Variants in WDR11 observed in about 807,000 individuals in gnomAD.
WDR11 encodes WD repeat-containing protein 11.
Under a neutral mutation model 151.2 loss-of-function variants are expected in WDR11, and 83 were observed. That is an observed-to-expected ratio of 0.55 (90% CI 0.46 to 0.66). WDR11 has a LOEUF of 0.66. WDR11 is among the 30% of genes least tolerant of loss of function. The pLI, the probability that WDR11 is intolerant of heterozygous loss-of-function variation, is 0.00. For missense variants in WDR11, 1,301 were observed against 1,480.9 expected (o/e 0.88, Z 1.99); for synonymous variants, 484 against 533.1 (o/e 0.91, Z 1.27).
intron 3 of WDR11, among the ~76,000 whole-genome samples, chr10:120,859,041 C>T (rs1396476709): frequency 6.6e-6 from 1 of 152,154 alleles, no homozygotes; most frequent in Non-Finnish European, 1.5e-5. Flanking sequence ...CAATATCAGC[C>T]TCATTCAAGC....
At chr10:120,854,399 A>C (rs1455494727) in intron 2 of WDR11, among the ~76,000 whole-genome samples, 1 of 152,238 alleles carries the variant, frequency 6.6e-6, no homozygotes. Flanking sequence ...AGGATGTATC[A>C]CATTTATTTT....
intron 28 of WDR11, chr10:120,908,287 T>C: frequency 2.1e-6 from 1 of 467,530 alleles, no homozygotes; most frequent in Non-Finnish European, 3.9e-6. Context: ...TGGGAGGATG[T>C]TGGTTGGGTC....
chr10:120,868,316 C>T (rs574750274), intron 9 of WDR11, among the ~76,000 whole-genome samples: 5 of 152,048 alleles, frequency 3.3e-5, no homozygotes, highest in Admixed American at 2.6e-4. Context: ...TAGCCAGGTG[C>T]AGTGGCATGT....
At chr10:120,894,336 A>T (rs1847530957) in intron 19 of WDR11, among the ~76,000 whole-genome samples, 1 of 152,218 alleles carries the variant, frequency 6.6e-6, no homozygotes, top group African/African-American at 2.4e-5. Context: ...AGATTTCTGC[A>T]CAAACCTTTC....
At chr10:120,903,552 T>G (rs1381120338) in intron 23 of WDR11, among the ~76,000 whole-genome samples, 1 of 137,876 alleles carries the variant, frequency 7.3e-6, no homozygotes, top group Non-Finnish European at 1.6e-5. Context: ...CCTCGGTACA[T>G]TTGCATTAAA....
chr10:120,908,847 T>A lies in WDR11; in HGVS notation c.*134T>A, dbSNP rs1848178072. On this transcript the variant is annotated 3_prime_UTR_variant, in exon 29 of 29. Coordinates refer to ENST00000263461, the MANE Select transcript of WDR11 (RefSeq NM_018117.12). ...AGCTGTTTGACCACTGTTCTAAGAC[T>A]ATGTGTGCCCAAAAGCACATAAGCA... The A allele has an allele frequency of 3.5e-6, 3 of 851,242 alleles. No homozygotes were observed. Among genetic ancestry groups the A allele is most frequent in the South Asian group, 1.5e-5 (1 of 68,360 alleles). The allele number at this position is 851,242 out of a possible 1,614,324, so 52.7% of individuals were successfully genotyped here.
rs749051793 is a variant in WDR11 at position 120,904,194 on chromosome 10, G to A, written c.3027+52G>A. The A allele has an allele frequency of 2.1e-5, 28 of 1,340,364 alleles. 1 individual carries two copies. Among genetic ancestry groups the A allele is most frequent in the South Asian group, 9.4e-5 (8 of 85,202 alleles). The allele number at this position is 1,340,364 out of a possible 1,614,324, so 83.0% of individuals were successfully genotyped here. Reference sequence around the variant, plus strand: ...GCTTCATTAAATTGCTAGTTAATTCGTATTTCAGAGCAATATATCTGTATG... The same window carrying A: ...GCTTCATTAAATTGCTAGTTAATTCATATTTCAGAGCAATATATCTGTATG... On this transcript the variant is annotated intron_variant, in intron 24 of 28. Coordinates refer to ENST00000263461, the MANE Select transcript of WDR11 (RefSeq NM_018117.12).
At chr10:120,887,579 A>G (rs1260999111) in intron 16 of WDR11, among the ~76,000 whole-genome samples, 2 of 152,364 alleles carry the variant, frequency 1.3e-5, no homozygotes, top group South Asian at 2.1e-4. Context: ...TAAAGTTACA[A>G]TCTAGATGTT....
At chr10:120,873,246 C>T (rs918051138) in intron 10 of WDR11, among the ~76,000 whole-genome samples, 6 of 152,170 alleles carry the variant, frequency 3.9e-5, no homozygotes, top group African/African-American at 1.4e-4. Context: ...CTACTCTTCC[C>T]ATTTTAAAGA....
intron 28 of WDR11, chr10:120,908,338 T>C (rs1174223818): frequency 1.7e-6 from 1 of 574,614 alleles, no homozygotes; most frequent in African/African-American, 1.9e-5. Context: ...GTACGAAAGG[T>C]AATGATGGTA....
rs1345375751 is a variant in WDR11 at position 120,905,452 on chromosome 10, A to G, written c.3291+36A>G. 6 of 1,608,216 alleles carry G rather than the reference A, an allele frequency of 3.7e-6. No homozygotes were observed. In the African/African-American group the frequency reaches 8.0e-5, roughly 21 times the overall value. ...CCAAGTTTCAATAGGTGCCCTCAACATTCGGGATAGAAAGCTCAGTCCTGA... is the reference window on the plus strand; with the variant it reads ...CCAAGTTTCAATAGGTGCCCTCAACGTTCGGGATAGAAAGCTCAGTCCTGA... On this transcript the variant is annotated intron_variant, in intron 26 of 28. Transcript: ENST00000263461.
rs1847760100 is a variant in WDR11 at position 120,900,122 on chromosome 10, T to C, written c.2609T>C (p.Leu870Ser). The part of the protein sequence containing the change: ...LHQPWNGQYS[L>S]DISHVDYPEN... ...CAGCCTTGGAATGGACAGTATTCTTTGGACATTTCTCATGTGTAAGTTTTT... is the reference window on the plus strand; with the variant it reads ...CAGCCTTGGAATGGACAGTATTCTTCGGACATTTCTCATGTGTAAGTTTTT... Residue 870 changes from leucine to serine, a missense_variant, in exon 20 of 29, where the codon TTG becomes TCG. Physicochemically the swap from Leu to Ser is moderately radical, Grantham distance 145. Around this residue, in one of 3 missense-constraint regions of WDR11, gnomAD observed 589 missense variants for 670.6 expected, o/e 0.88. Transcript: ENST00000263461. The C allele has an allele frequency of 6.2e-7, 1 of 1,613,020 alleles. No individual in the cohort carries two copies. The highest frequency in any genetic ancestry group is 8.5e-7 in the Non-Finnish European group (1 of 1,178,928).
chr10:120,878,357 A>G lies in WDR11; in HGVS notation c.1561A>G (p.Ile521Val), dbSNP rs1846877155. The stretch of plus-strand genomic sequence containing the variant: ...TTATCTCATTTCCTATTATAGGGGT[A>G]TTGAATGGACAAGTTTGACTAGTTT... ...LSIHSCEVKG[I>V]EWTSLTSFLS... The change falls in exon 12 of 29, where the codon ATT becomes GTT. Residue 521 changes from isoleucine (I) to valine (V), a missense_variant. Coordinates refer to ENST00000263461, the MANE Select transcript of WDR11 (RefSeq NM_018117.12). 10 of 1,604,928 alleles carry G rather than the reference A, an allele frequency of 6.2e-6. No homozygotes were observed. The highest frequency in any genetic ancestry group is 7.7e-6 in the Non-Finnish European group (9 of 1,172,080).
chr10:120,854,757 A>G (rs1260543940), intron 2 of WDR11, among the ~76,000 whole-genome samples: 1 of 152,194 alleles, frequency 6.6e-6, no homozygotes, highest in African/African-American at 2.4e-5. Context: ...GGTGTGGAGT[A>G]TCTTTTCATG....
intron 4 of WDR11, among the ~76,000 whole-genome samples, chr10:120,860,788 T>C (rs531587016): frequency 1.8e-4 from 27 of 152,256 alleles, no homozygotes; most frequent in Non-Finnish European, 3.5e-4. Flanking sequence ...AATGTTTTCC[T>C]GAGCTAATGA....
intron 12 of WDR11, chr10:120,880,563 GCAAGAAAAT>G (rs1243959544): frequency 9.0e-5 from 36 of 398,254 alleles, no homozygotes; most frequent in Non-Finnish European, 1.9e-5. Flanking sequence ...GGATGCTAAG[GCAAGAAAAT>G]CACTTGAACC....
Position 120,908,276 on chromosome 10 carries a change from A to AGAATC in WDR11, c.3518-280_3518-279insGAATC, listed in dbSNP as rs1590129354. 4.5e-5 allele frequency: 20 copies of AGAATC among 440,564 alleles called. No individual in the cohort carries two copies. In the East Asian group the frequency reaches 6.6e-4, roughly 15 times the overall value. The allele number at this position is 440,564 out of a possible 1,614,324, so 27.3% of individuals were successfully genotyped here. A position where few individuals can be genotyped will look rare whatever the true frequency, so the allele number is the denominator to read the frequency against. On this transcript the variant is annotated intron_variant, in intron 28 of 28. Coordinates refer to ENST00000263461, the MANE Select transcript of WDR11 (RefSeq NM_018117.12). ...TCCAATCTTCAGTTGAGTGTAGGTT[A>AGAATC]TGGGAGGATGTTGGTTGGGTCTTCT...
At chr10:120,858,425 G>T (rs1428651752) in intron 2 of WDR11, among the ~76,000 whole-genome samples, 1 of 152,162 alleles carries the variant, frequency 6.6e-6, no homozygotes, top group Non-Finnish European at 1.5e-5. Context: ...CAGGATCTTT[G>T]TGATGTGTCA....
rs1847972009 is a variant in WDR11, at chr10:120,904,830, G to A, written c.3193+19G>A. On this transcript the variant is annotated intron_variant, in intron 25 of 28. Transcript: ENST00000263461. The stretch of plus-strand genomic sequence containing the variant: ...TTGGCAGGTAAGGCACACTTGATAT[G>A]TTTGTCATCTCTCTGAAAAATGAGA... The A allele has an allele frequency of 6.2e-7, 1 of 1,613,840 alleles. No homozygotes were observed. The highest frequency in any genetic ancestry group is 1.7e-5 in the Admixed American group (1 of 60,014).
Sources: allele counts gnomAD v4.1 joint callset (sites outside exome capture counted in the v4.1 genomes callset), GRCh38; gene constraint gnomAD v4.1.1; regional missense constraint gnomAD v4.1.1; transcripts MANE v1.5; gene names NCBI Gene and HGNC (gene_info 2026-07-23, HGNC 2026-07-21).